EPHB3: variants seen among roughly 807,000 people sequenced by gnomAD.
EPHB3 encodes the protein EPH receptor B3.
A neutral mutation model predicts 100.2 loss-of-function variants in EPHB3; 33 were observed. That is an observed-to-expected ratio of 0.33 (90% CI 0.25 to 0.44). The LOEUF (loss-of-function observed/expected upper bound fraction) is 0.44, where lower values mean the gene tolerates loss of function less well. EPHB3 is among the 20% of genes least tolerant of loss of function. The pLI, the probability that EPHB3 is intolerant of heterozygous loss-of-function variation, is 1.00. For missense variants in EPHB3, 1,045 were observed against 1,378.3 expected (o/e 0.76, Z 3.83); for synonymous variants, 526 against 554.7 (o/e 0.95, Z 0.73).
intron 1 of EPHB3, among the ~76,000 whole-genome samples, chr3:184,567,182 G>A (rs1349261987): frequency 2.0e-5 from 3 of 152,174 alleles, no homozygotes; most frequent in Non-Finnish European, 2.9e-5. Flanking sequence ...TGGGGAGGCC[G>A]CACCCAGCCA....
At position 184,569,503 on chromosome 3, in the gene EPHB3, T is replaced by A. The variant is rs980064570; in HGVS notation, c.119-1815T>A. On this transcript the variant is annotated intron_variant, in intron 1 of 15. Coordinates refer to ENST00000330394, the MANE Select transcript of EPHB3 (RefSeq NM_004443.4). This position sits in a 1 kb window ranked among gnomAD's most constrained non-coding sequence, Gnocchi z 5.4. ...CCGCCTGTCTCTGTGGGCCCCGGCT[T>A]CTGAGCATCTCGGCTTCCCTCGAGT... 4.5e-4 allele frequency among the ~76,000 whole-genome samples: 68 copies of A among 152,058 alleles called. No individual in the cohort carries two copies. The highest frequency in any genetic ancestry group is 1.6e-3 in the Admixed American group (24 of 15,282).
chr3:184,567,993 G>A (rs907532601), intron 1 of EPHB3, among the ~76,000 whole-genome samples: 1 of 152,188 alleles, frequency 6.6e-6, no homozygotes, highest in African/African-American at 2.4e-5. Flanking sequence ...TCTGTGTGAA[G>A]CTGGGTGTGT....
In EPHB3 at chr3:184,573,250, A is replaced by G. The variant is rs1714587560; in HGVS notation, c.856+74A>G. 1 of 1,565,128 alleles carries G rather than the reference A, an allele frequency of 6.4e-7. No homozygotes were observed. The highest frequency in any genetic ancestry group is 1.4e-5 in the African/African-American group (1 of 73,208). ...ACAGCTACCTACCGCCCCGCCCCCCACCCCTGCTTGCTATCTGACTAGGAG... is the reference window on the plus strand; with the variant it reads ...ACAGCTACCTACCGCCCCGCCCCCCGCCCCTGCTTGCTATCTGACTAGGAG... On this transcript the variant is annotated intron_variant, in intron 3 of 15. Transcript: ENST00000330394. This position sits in a 1 kb window ranked among gnomAD's most constrained non-coding sequence, Gnocchi z 4.5.
In EPHB3 at chr3:184,578,255, G is replaced by A. The variant is rs1714732425; in HGVS notation, c.1749-159G>A. ...AGGGACTGAGTCCACTGAACCCCTT[G>A]CTCAGACACCCAGAGACTGCTGTGA... is the stretch of plus-strand genomic sequence containing the variant. On this transcript the variant is annotated intron_variant, in intron 8 of 15. Coordinates refer to ENST00000330394, the MANE Select transcript of EPHB3 (RefSeq NM_004443.4). The surrounding 1 kb of genome is among the most constrained non-coding windows in gnomAD (Gnocchi z 4.7). The A allele has an allele frequency of 9.0e-7, 1 of 1,111,908 alleles. No individual in the cohort carries two copies. Among genetic ancestry groups the A allele is most frequent in the African/African-American group, 1.5e-5 (1 of 64,664 alleles). The allele number at this position is 1,111,908 out of a possible 1,614,324, so 68.9% of individuals were successfully genotyped here. A position where few individuals can be genotyped will look rare whatever the true frequency, so the allele number is the denominator to read the frequency against.
rs1714554580 is a variant in EPHB3 at position 184,572,195 on chromosome 3, G to A, written c.184-309G>A. Among the ~76,000 whole-genome samples the A allele has an allele frequency of 1.3e-5, 2 of 152,314 alleles. No homozygotes were observed. The highest frequency in any genetic ancestry group is 6.5e-5 in the Admixed American group (1 of 15,304). On this transcript the variant is annotated intron_variant, in intron 2 of 15. Transcript: ENST00000330394. The surrounding 1 kb of genome is among the most constrained non-coding windows in gnomAD (Gnocchi z 6.6). ...TATAAAGATAACAAATATAGCTGAT[G>A]TTCCTGCAGTACTTACCAAGTTCCT...
Position 184,572,528 on chromosome 3 carries a change from G to A in EPHB3, c.208G>A (p.Glu70Lys). Residue 70 changes from glutamate (E) to lysine (K), a missense_variant, in exon 3 of 16, where the codon GAG (glutamate) becomes AAG (lysine). Glu to Lys is a moderately conservative substitution (Grantham distance 56, BLOSUM62 1). This residue lies in a region of EPHB3 where 985 missense variants were observed against 1,331.1 expected (regional missense o/e 0.74). Coordinates refer to ENST00000330394, the MANE Select transcript of EPHB3 (RefSeq NM_004443.4). The surrounding 1 kb of genome is among the most constrained non-coding windows in gnomAD (Gnocchi z 6.6). ...SGWEEVSGYD[E>K]AMNPIRTYQV... ...GTGGGAAGAGGTGAGTGGCTACGAT[G>A]AGGCCATGAATCCCATCCGCACATA... is the stretch of plus-strand genomic sequence containing the variant. 1 of 1,559,834 alleles carries A rather than the reference G, an allele frequency of 6.4e-7. No individual in the cohort carries two copies. Among genetic ancestry groups the A allele is most frequent in the Non-Finnish European group, 8.6e-7 (1 of 1,158,036 alleles).
At position 184,566,394 on chromosome 3, in the gene EPHB3, G is replaced by A. The variant is rs552412553; in HGVS notation, c.118+4041G>A. ...AAAAACAAAATGTGTTCTCTGTTCT[G>A]AGATGTTCCCCCCACCCCATCCCAG... On this transcript the variant is annotated intron_variant, in intron 1 of 15. Coordinates refer to ENST00000330394, the MANE Select transcript of EPHB3 (RefSeq NM_004443.4). Among the ~76,000 whole-genome samples the A allele has an allele frequency of 3.9e-5, 6 of 152,350 alleles. No homozygotes were observed. In the East Asian group the frequency reaches 1.2e-3, roughly 29 times the overall value.
rs147185039 is a variant in EPHB3 at position 184,581,164 on chromosome 3, G to C, written c.2731G>C (p.Gly911Arg). ...CAAGGTCATTGCCAGCGCTCAGTCT[G>C]GGTTAGTACCTCTGCCTCTGCTCCC... is the stretch of plus-strand genomic sequence containing the variant. Reference protein sequence around the residue: ...SLKVIASAQSGMSQPLLDRTV... With the variant: ...SLKVIASAQSRMSQPLLDRTV... The change falls in exon 14 of 16, where the codon GGC (glycine) becomes CGC (arginine). Residue 911 changes from glycine to arginine, a missense_variant and splice_region_variant. Gly to Arg is a moderately radical substitution (Grantham distance 125, BLOSUM62 -2). Coordinates refer to ENST00000330394, the MANE Select transcript of EPHB3 (RefSeq NM_004443.4). 2.2e-4 allele frequency: 355 copies of C among 1,613,756 alleles called. 3 individuals are homozygous for C. In the Middle Eastern group the frequency reaches 5.0e-3, roughly 23 times the overall value.
chr3:184,570,617 G>A (rs543414931), intron 1 of EPHB3, among the ~76,000 whole-genome samples: 55 of 152,362 alleles, frequency 3.6e-4, no homozygotes, highest in Middle Eastern at 3.4e-3. Flanking sequence ...GGCCTTGTGT[G>A]GGGCTGGGCC....
chr3:184,577,792 C>T lies in EPHB3; in HGVS notation c.1614C>T (p.Ala538=), dbSNP rs761796691. 3.4e-5 allele frequency: 55 copies of T among 1,606,740 alleles called. No homozygotes were observed. The highest frequency in any genetic ancestry group is 1.7e-4 in the Middle Eastern group (1 of 6,050). The change falls in exon 7 of 16, where the codon GCC becomes GCT. Residue 538 remains alanine, a synonymous_variant. Transcript: ENST00000330394. The surrounding 1 kb of genome is among the most constrained non-coding windows in gnomAD (Gnocchi z 4.9). ...VAGYGQYSRP[A]EFETTSERGS... is the part of the protein sequence containing the mutation. Reference sequence around the variant, plus strand: ...GCTATGGGCAGTACAGCCGCCCTGCCGAGTTTGAGACCACAAGTGAGAGAG... The same window carrying T: ...GCTATGGGCAGTACAGCCGCCCTGCTGAGTTTGAGACCACAAGTGAGAGAG...
In EPHB3 at chr3:184,572,499, C is replaced by T. The variant is rs1281182040; in HGVS notation, c.184-5C>T. ...ACTCTGTCTTTTTCATTGGTCCATG[C>T]ACAGTGGGAAGAGGTGAGTGGCTAC... On this transcript the variant is annotated splice_region_variant and splice_polypyrimidine_tract_variant and intron_variant, in intron 2 of 15. Transcript: ENST00000330394. The surrounding 1 kb of genome is among the most constrained non-coding windows in gnomAD (Gnocchi z 6.6). 1.9e-6 allele frequency: 3 copies of T among 1,559,568 alleles called. No individual in the cohort carries two copies. In the African/African-American group the frequency reaches 4.1e-5, roughly 21 times the overall value.
In EPHB3 at chr3:184,578,055, T is replaced by C; in HGVS notation, c.1748+49T>C. 1 of 1,591,876 alleles carries C rather than the reference T, an allele frequency of 6.3e-7. No homozygotes were observed. Among genetic ancestry groups the C allele is most frequent in the East Asian group, 2.2e-5 (1 of 44,752 alleles). The stretch of plus-strand genomic sequence containing the variant: ...CCATGGGCCGCCTCGAACTGCCCTT[T>C]AGCATCCTAGAGCCCTCATGCCACA... On this transcript the variant is annotated intron_variant, in intron 8 of 15. Coordinates refer to ENST00000330394, the MANE Select transcript of EPHB3 (RefSeq NM_004443.4). This position sits in a 1 kb window ranked among gnomAD's most constrained non-coding sequence, Gnocchi z 4.7.
rs1471821778 is a variant in EPHB3 at position 184,565,456 on chromosome 3, G to T, written c.118+3103G>T. Among the ~76,000 whole-genome samples, 1 of 152,178 alleles carries T rather than the reference G, an allele frequency of 6.6e-6. No individual in the cohort carries two copies. The highest frequency in any genetic ancestry group is 1.5e-5 in the Non-Finnish European group (1 of 68,030). On this transcript the variant is annotated intron_variant, in intron 1 of 15. Coordinates refer to ENST00000330394, the MANE Select transcript of EPHB3 (RefSeq NM_004443.4). The surrounding 1 kb of genome is among the most constrained non-coding windows in gnomAD (Gnocchi z 4.8). Reference sequence around the variant, plus strand: ...CTTGGGATAGGATGGAGAGATCCCCGCTGGGAAGATATCCTTTTGAGAAAA... The same window carrying T: ...CTTGGGATAGGATGGAGAGATCCCCTCTGGGAAGATATCCTTTTGAGAAAA...
Position 184,576,858 on chromosome 3 carries a change from C to A in EPHB3, c.1029C>A (p.Pro343=). The A allele has an allele frequency of 6.5e-7, 1 of 1,548,770 alleles. No homozygotes were observed. Among genetic ancestry groups the A allele is most frequent in the South Asian group, 1.2e-5 (1 of 80,084 alleles). ...DSACTTVPSP[P]RGVISNVNET... Reference sequence around the variant, plus strand: ...TCCTCACAGCCGTGCCATCTCCACCCCGAGGTGTGATCTCCAATGTGAATG... The same window carrying A: ...TCCTCACAGCCGTGCCATCTCCACCACGAGGTGTGATCTCCAATGTGAATG... The change falls in exon 5 of 16, where the codon CCC becomes CCA. Residue 343 remains proline, a synonymous_variant. Transcript: ENST00000330394.
In EPHB3 at chr3:184,577,514, G is replaced by C; in HGVS notation, c.1479+47G>C. On this transcript the variant is annotated intron_variant, in intron 6 of 15. Transcript: ENST00000330394. The surrounding 1 kb of genome is among the most constrained non-coding windows in gnomAD (Gnocchi z 4.9). The stretch of plus-strand genomic sequence containing the variant: ...AGGAGGCCTTGGGCTGAGCTGGGCT[G>C]AGAAAATTACCCCCGGATCATGATG... 6.2e-7 allele frequency: 1 copy of C among 1,609,496 alleles called. No homozygotes were observed. Among genetic ancestry groups the C allele is most frequent in the Non-Finnish European group, 8.5e-7 (1 of 1,177,558 alleles).
rs35514470 is a variant in EPHB3 at position 184,582,253 on chromosome 3, AGTGTGTGTGT to A, written c.*647_*656del. 27 of 150,874 alleles carry A rather than the reference AGTGTGTGTGT, an allele frequency of 1.8e-4. No homozygotes were observed. Among genetic ancestry groups the A allele is most frequent in the Middle Eastern group, 3.4e-3 (1 of 294 alleles). 9.3% of individuals were successfully genotyped at this position (150,874 alleles called of 1,614,324 possible). ...CTCAGAGCCAGAGATGGGATGTGTGAGTGTGTGTGTGTGTGTGTGTGTGTGCGCGCGCGCG... is the reference window on the plus strand; with the variant it reads ...CTCAGAGCCAGAGATGGGATGTGTGAGTGTGTGTGTGTGTGCGCGCGCGCG... On this transcript the variant is annotated 3_prime_UTR_variant, in exon 16 of 16. Coordinates refer to ENST00000330394, the MANE Select transcript of EPHB3 (RefSeq NM_004443.4).
At position 184,572,372 on chromosome 3, in the gene EPHB3, T is replaced by C. The variant is rs1714561876; in HGVS notation, c.184-132T>C. On this transcript the variant is annotated intron_variant, in intron 2 of 15. Transcript: ENST00000330394. The surrounding 1 kb of genome is among the most constrained non-coding windows in gnomAD (Gnocchi z 6.6). ...GGCAGAGAGCTGGAATTTGAGCCCATATAGCCTGTATGCTCAGCCACTGCA... is the reference window on the plus strand; with the variant it reads ...GGCAGAGAGCTGGAATTTGAGCCCACATAGCCTGTATGCTCAGCCACTGCA... 2 of 1,039,008 alleles carry C rather than the reference T, an allele frequency of 1.9e-6. No individual in the cohort carries two copies. The highest frequency in any genetic ancestry group is 2.6e-6 in the Non-Finnish European group (2 of 774,948). 64.4% of individuals were successfully genotyped at this position (1,039,008 alleles called of 1,614,324 possible). A position where few individuals can be genotyped will look rare whatever the true frequency, so the allele number is the denominator to read the frequency against.
At chr3:184,568,780 C>T (rs114598705) in intron 1 of EPHB3, among the ~76,000 whole-genome samples, 2,556 of 152,324 alleles carry the variant, frequency 0.017, 29 homozygotes, top group Non-Finnish European at 0.024. Flanking sequence ...AGCCCTTCCT[C>T]GGGCACACAT....
Position 184,580,395 on chromosome 3 carries a change from C to G in EPHB3, c.2173-7C>G. The G allele has an allele frequency of 6.2e-7, 1 of 1,614,190 alleles. No individual in the cohort carries two copies. The highest frequency in any genetic ancestry group is 8.5e-7 in the Non-Finnish European group (1 of 1,180,030). Reference sequence around the variant, plus strand: ...TGGGCTCACCTGAGCCTGCTTGTTGCCTGCAGCTCAACGATGGGCAGTTCA... The same window carrying G: ...TGGGCTCACCTGAGCCTGCTTGTTGGCTGCAGCTCAACGATGGGCAGTTCA... On this transcript the variant is annotated splice_region_variant and splice_polypyrimidine_tract_variant and intron_variant, in intron 11 of 15. Coordinates refer to ENST00000330394, the MANE Select transcript of EPHB3 (RefSeq NM_004443.4).
Sources: allele counts gnomAD v4.1 joint callset (sites outside exome capture counted in the v4.1 genomes callset), GRCh38; gene constraint gnomAD v4.1.1; regional missense constraint gnomAD v4.1.1; non-coding constraint Gnocchi (gnomAD v3.1); transcripts MANE v1.5; gene names NCBI Gene and HGNC (gene_info 2026-07-23, HGNC 2026-07-21).